PPEF1: variants seen among roughly 807,000 people sequenced by gnomAD.
PPEF1 encodes serine/threonine-protein phosphatase with EF-hands 1.
PPEF1 carries 12 observed loss-of-function variants against 53.3 expected under a neutral mutation model. The observed-to-expected ratio is 0.23, with a 90% CI of 0.14 to 0.36. The LOEUF is 0.36. Among genes scored for constraint, PPEF1 ranks in the 10% least tolerant of loss-of-function variants. The pLI, the probability that PPEF1 is intolerant of heterozygous loss-of-function variation, is 1.00. For missense variants in PPEF1, 334 were observed against 490.4 expected (o/e 0.68, Z 3.01); for synonymous variants, 165 against 176.7 (o/e 0.93, Z 0.52).
At chrX:18,699,292 A>T (rs989026005) in intron 5 of PPEF1, among the ~76,000 whole-genome samples, 2 of 111,347 alleles carry the variant, frequency 1.8e-5, no homozygotes, top group African/African-American at 6.5e-5. Context: ...ATCCGATTAA[A>T]TGGCAAACTA....
chrX:18,742,985 A>G (rs1482695999), intron 3 of PPEF1, among the ~76,000 whole-genome samples: 1 of 112,523 alleles, frequency 8.9e-6, no homozygotes, highest in African/African-American at 3.2e-5. Flanking sequence ...CTTAAGGCCT[A>G]TGTGCTAGAA....
upstream of PPEF1, among the ~76,000 whole-genome samples, chrX:18,682,716 G>A (rs1211083456): frequency 8.9e-6 from 1 of 112,172 alleles, no homozygotes; most frequent in Admixed American, 9.5e-5. Flanking sequence ...AAATGGATGA[G>A]CGTTGGCACA....
At chrX:18,729,541 C>T (rs895580849) in intron 1 of PPEF1, among the ~76,000 whole-genome samples, 3 of 111,804 alleles carry the variant, frequency 2.7e-5, no homozygotes, top group Non-Finnish European at 5.6e-5. Context: ...TTTTTAAGAC[C>T]TACTGGTTAG....
chrX:18,811,067 T>C (rs781705237), intron 12 of PPEF1, among the ~76,000 whole-genome samples: 159 of 112,466 alleles, frequency 1.4e-3, no homozygotes, highest in Non-Finnish European at 2.5e-3. Flanking sequence ...ATTTATTTTT[T>C]TGAGACAGAG....
At chrX:18,726,458 T>C (rs1266486908) in intron 1 of PPEF1, among the ~76,000 whole-genome samples, 1 of 111,025 alleles carries the variant, frequency 9.0e-6, no homozygotes, top group African/African-American at 3.3e-5. Context: ...AGTAACTGAC[T>C]GGAGTGGAAA....
intron 13 of PPEF1, among the ~76,000 whole-genome samples, chrX:18,821,945 A>G (rs999008730): frequency 7.2e-5 from 8 of 111,680 alleles, no homozygotes; most frequent in African/African-American, 1.9e-4. Flanking sequence ...GGATGTGGCT[A>G]TGGTCCACTG....
intron 10 of PPEF1, among the ~76,000 whole-genome samples, chrX:18,796,944 A>C (rs1191423048): frequency 2.7e-5 from 3 of 111,568 alleles, no homozygotes; most frequent in African/African-American, 9.8e-5. Flanking sequence ...TGGCCTCTGG[A>C]AGCCTAGAAG....
At chrX:18,761,028 G>C (rs979759515) in intron 5 of PPEF1, among the ~76,000 whole-genome samples, 2 of 110,658 alleles carry the variant, frequency 1.8e-5, no homozygotes, top group Non-Finnish European at 3.8e-5. Context: ...TGATCCATCT[G>C]CCTTGGCCTC....
chrX:18,723,665 T>A (rs149844463), intron 1 of PPEF1, among the ~76,000 whole-genome samples: 3,678 of 111,487 alleles, frequency 0.033, 72 homozygotes, highest in Non-Finnish European at 0.052. Flanking sequence ...CATACACATA[T>A]AACTGTAGAC....
intron 1 of PPEF1, among the ~76,000 whole-genome samples, chrX:18,722,452 A>C (rs149312783): frequency 1.8e-5 from 2 of 112,170 alleles, no homozygotes; most frequent in East Asian, 5.6e-4. Context: ...AAAAGCAGAG[A>C]GCCTTTAAAT....
At chrX:18,701,217 T>C (rs1473406808) in intron 6 of PPEF1, among the ~76,000 whole-genome samples, 2 of 112,357 alleles carry the variant, frequency 1.8e-5, no homozygotes, top group Non-Finnish European at 3.8e-5. Context: ...ATTACTGGTA[T>C]AGCATTCTTT....
intron 1 of PPEF1, among the ~76,000 whole-genome samples, chrX:18,715,010 A>G (rs901015682): frequency 8.9e-6 from 1 of 111,788 alleles, no homozygotes; most frequent in African/African-American, 3.2e-5. Context: ...CGGCAGTTTG[A>G]GAAAGCGTAA....
At chrX:18,797,414 A>G (rs1332734745) in intron 10 of PPEF1, among the ~76,000 whole-genome samples, 1 of 111,851 alleles carries the variant, frequency 8.9e-6, no homozygotes, top group African/African-American at 3.3e-5. Context: ...AGAGATGAAT[A>G]TGATACTCTT....
chrX:18,785,176 T>C (rs2046174138), intron 9 of PPEF1, among the ~76,000 whole-genome samples: 1 of 111,838 alleles, frequency 8.9e-6, no homozygotes, highest in African/African-American at 3.3e-5. Flanking sequence ...TCCTCCCATC[T>C]TTTTAATTAA....
Position 18,827,694 on chromosome X carries a change from T to G in PPEF1, c.*207T>G, listed in dbSNP as rs1330461023. 1 of 406,485 alleles carries G rather than the reference T, an allele frequency of 2.5e-6. No individual in the cohort carries two copies. The highest frequency in any genetic ancestry group is 4.3e-6 in the Non-Finnish European group (1 of 234,752). The allele number at this position is 406,485 out of a possible 1,213,427, so 33.5% of individuals were successfully genotyped here. A position where few individuals can be genotyped will look rare whatever the true frequency, so the allele number is the denominator to read the frequency against. On this transcript the variant is annotated 3_prime_UTR_variant, in exon 16 of 16. Transcript: ENST00000470157. The stretch of plus-strand genomic sequence containing the variant: ...TAGGTTAAATGTCAGTAATAGGATT[T>G]GGTTTCAGCATTAGTACCTACATAT...
intron 12 of PPEF1, among the ~76,000 whole-genome samples, chrX:18,810,723 G>C (rs1164855581): frequency 8.9e-6 from 1 of 111,911 alleles, no homozygotes. Flanking sequence ...CCTTCTTATG[G>C]GTGAATAATA....
chrX:18,818,527 C>T lies in PPEF1; in HGVS notation c.1501+382C>T, dbSNP rs185713249. Among the ~76,000 whole-genome samples the T allele has an allele frequency of 4.6e-3, 505 of 110,171 alleles. 3 individuals are homozygous for T. The highest frequency in any genetic ancestry group is 0.016 in the African/African-American group (476 of 30,349). ...CTAGGATTATAGGCATACACCACCA[C>T]GCCCAGCTAATTTTTGTATTTTTAG... On this transcript the variant is annotated intron_variant, in intron 13 of 15. Coordinates refer to ENST00000470157, the MANE Select transcript of PPEF1 (RefSeq NM_001377996.1).
chrX:18,770,081 G>A (rs575111674), intron 6 of PPEF1, among the ~76,000 whole-genome samples: 3 of 111,418 alleles, frequency 2.7e-5, no homozygotes, highest in African/African-American at 9.8e-5. Flanking sequence ...TGTCATAGAC[G>A]GTTTGTTGCA....
At chrX:18,774,501 G>A (rs981781161) in intron 6 of PPEF1, among the ~76,000 whole-genome samples, 1 of 112,307 alleles carries the variant, frequency 8.9e-6, no homozygotes, top group African/African-American at 3.2e-5. Flanking sequence ...CGAATACAGG[G>A]ACTTTGTATT....
Sources: allele counts gnomAD v4.1 joint callset (sites outside exome capture counted in the v4.1 genomes callset), GRCh38; gene constraint gnomAD v4.1.1; transcripts MANE v1.5; gene names NCBI Gene and HGNC (gene_info 2026-07-23, HGNC 2026-07-21).